MED23: variants seen among roughly 807,000 people sequenced by gnomAD.
The protein encoded by MED23 is mediator complex subunit 23, also known as mediator of RNA polymerase II transcription subunit 23.
In MED23, 105 loss-of-function variants were observed where a neutral mutation model predicts 163.9. The observed-to-expected ratio is 0.64, with a 90% CI of 0.55 to 0.75. MED23 has a LOEUF of 0.75. MED23 is among the 30% of genes least tolerant of loss of function. The probability of loss-of-function intolerance (pLI) is 0.00; values close to 1 mark genes in which losing one functional copy is unlikely to be tolerated. For missense variants in MED23, 1,054 were observed against 1,649.0 expected (o/e 0.64, Z 6.25); for synonymous variants, 561 against 565.6 (o/e 0.99, Z 0.12).
At chr6:131,582,233 TAAG>T (rs1327707110), downstream of MED23, among the ~76,000 whole-genome samples, 1 of 152,138 alleles carries the variant, frequency 6.6e-6, no homozygotes, top group African/African-American at 2.4e-5. Context: ...ATTATCACAT[TAAG>T]AATAACCAAA....
Position 131,579,198 on chromosome 6 carries a change from T to G in MED23, c.4096-4903A>C, listed in dbSNP as rs867223787. 2 of 1,613,998 alleles carry G rather than the reference T, an allele frequency of 1.2e-6. No individual in the cohort carries two copies. Among genetic ancestry groups the G allele is most frequent in the Non-Finnish European group, 1.7e-6 (2 of 1,179,992 alleles). On this transcript the variant is annotated intron_variant, in intron 30 of 30. Coordinates refer to the MED23 transcript ENST00000354577. ...CAAATTGTGAAGAATCCAAGGTCTG[T>G]GGGAAAAGCAAGCGAGCAGCTGGCT...
Position 131,591,420 on chromosome 6 carries a change from G to A in MED23, c.3579C>T (p.Phe1193=). Residue 1193 remains phenylalanine, a synonymous_variant, in exon 26 of 29, where the codon TTC becomes TTT. Transcript: ENST00000368068. ...WVGYPFRLFD[F]TACHQSYSEM... ...CAGAGTAGGACTGATGACAGGCAGT[G>A]AAATCAAAGAGGCGGAATGGATAGC... The A allele has an allele frequency of 6.2e-7, 1 of 1,613,822 alleles. No individual in the cohort carries two copies. The highest frequency in any genetic ancestry group is 1.1e-5 in the South Asian group (1 of 91,080).
chr6:131,586,486 T>TA (rs925446853), downstream of MED23, among the ~76,000 whole-genome samples: 6 of 152,128 alleles, frequency 3.9e-5, no homozygotes, highest in Admixed American at 3.9e-4. Context: ...TGGCCAGTAA[T>TA]GATTTAGTGA....
rs1384093131 is a variant in MED23 at position 131,587,701 on chromosome 6, A to G, written c.4085T>C (p.Val1362Ala). The change falls in exon 29 of 29, where the codon GTG becomes GCG. Residue 1362 changes from valine to alanine, a missense_variant. Transcript: ENST00000368068. Reference sequence around the variant, plus strand: ...GCTTCACTGAGTTACTGGTAAAGACACGGGCACCTGATTAGACTGAGGTGC... The same window carrying G: ...GCTTCACTGAGTTACTGGTAAAGACGCGGGCACCTGATTAGACTGAGGTGC... Reference protein sequence around the residue: ...SPAPQSNQVPVSLPVTQ With the variant: ...SPAPQSNQVPASLPVTQ 6.2e-7 allele frequency: 1 copy of G among 1,614,022 alleles called. No individual in the cohort carries two copies. The highest frequency in any genetic ancestry group is 8.5e-7 in the Non-Finnish European group (1 of 1,180,002).
intron 27 of MED23, 134 bp from the exon 28 acceptor site, chr6:131,589,730 C>T (rs1562368216): frequency 2.6e-6 from 2 of 772,428 alleles, no homozygotes; most frequent in Non-Finnish European, 4.5e-6. Context: ...ATACCATATA[C>T]ACCTCTATGC....
At chr6:131,580,699 G>A (rs1339856902) in intron 30 of MED23, among the ~76,000 whole-genome samples, 1 of 152,150 alleles carries the variant, frequency 6.6e-6, no homozygotes, top group African/African-American at 2.4e-5. Flanking sequence ...GCCATACGCT[G>A]GCTGAAGAAC....
chr6:131,590,440 A>C lies in MED23; in HGVS notation c.3689T>G (p.Phe1230Cys). ...TATAGGAAGAAGTACTTCAGTAAGA[A>C]ACCTAAAATTTGAAGATAAAAATCT... ...SIGQLSLIPK[F>C]LTEVLLPIVK... Residue 1230 changes from phenylalanine to cysteine, a missense_variant and splice_region_variant, in exon 27 of 29, where the codon TTT becomes TGT. Phe to Cys is a radical substitution (Grantham distance 205). Around this residue, in one of 11 missense-constraint regions of MED23, gnomAD observed 362 missense variants for 471.6 expected, o/e 0.77. Transcript: ENST00000368068. 6.2e-7 allele frequency: 1 copy of C among 1,602,668 alleles called. No homozygotes were observed. Among genetic ancestry groups the C allele is most frequent in the African/African-American group, 1.3e-5 (1 of 74,764 alleles).
chr6:131,620,540 A>T (rs1365457461), intron 7 of MED23, 88 bp downstream of exon 7: 2 of 849,912 alleles, frequency 2.4e-6, no homozygotes, highest in Non-Finnish European at 4.0e-6. Context: ...TCCTCAAATC[A>T]TCTTCCCACC....
intron 27 of MED23, 114 bp from the exon 28 acceptor site, chr6:131,589,710 G>C: frequency 3.1e-6 from 3 of 952,460 alleles, no homozygotes; most frequent in Non-Finnish European, 5.0e-6. Context: ...CTTTGCTGTA[G>C]AACTGTCATA....
Position 131,623,383 on chromosome 6 carries a change from C to G in MED23, c.364G>C (p.Val122Leu). ...TQLWALTFKL[V>L]RKIIGGVDYK... ...TCCACTCCCCCAATTATTTTCCGAACCAGTTTAAATGTTAAGGCCCAAAGC... is the reference window on the plus strand; with the variant it reads ...TCCACTCCCCCAATTATTTTCCGAAGCAGTTTAAATGTTAAGGCCCAAAGC... The change falls in exon 5 of 29, where the codon GTT (valine) becomes CTT (leucine). Residue 122 changes from valine to leucine, a missense_variant. Coordinates refer to ENST00000368068, the MANE Select transcript of MED23 (RefSeq NM_004830.4). 8 of 1,614,034 alleles carry G rather than the reference C, an allele frequency of 5.0e-6. No homozygotes were observed. The highest frequency in any genetic ancestry group is 6.8e-6 in the Non-Finnish European group (8 of 1,179,978).
chr6:131,578,599 T>C (rs1294532388), intron 30 of MED23, among the ~76,000 whole-genome samples: 2 of 152,180 alleles, frequency 1.3e-5, no homozygotes, highest in African/African-American at 2.4e-5. Flanking sequence ...AATACCACTA[T>C]GAGGCAGGTT....
At chr6:131,576,809 C>G in intron 30 of MED23, 2 of 1,307,384 alleles carry the variant, frequency 1.5e-6, no homozygotes, top group Non-Finnish European at 2.2e-6. Flanking sequence ...CCCTGTGAAC[C>G]TGGAGTGTGT....
At chr6:131,576,815 T>G in intron 30 of MED23, 1 of 1,262,078 alleles carries the variant, frequency 7.9e-7, no homozygotes, top group East Asian at 2.4e-5. Flanking sequence ...GAACCTGGAG[T>G]GTGTCTGGAA....
chr6:131,584,237 AT>A (rs1416815139), downstream of MED23: 1 of 284,966 alleles, frequency 3.5e-6, no homozygotes, highest in Non-Finnish European at 6.7e-6. Flanking sequence ...GACTCTTGGA[AT>A]CAGGAGACAA....
Position 131,601,435 on chromosome 6 carries a change from A to G in MED23, c.2095+783T>C, listed in dbSNP as rs150945382. The stretch of plus-strand genomic sequence containing the variant: ...ACATGCATGGATTTAAAAATCCACT[A>G]AATGTATAAAACAGATGTACAGATT... On this transcript the variant is annotated intron_variant, in intron 17 of 28. Transcript: ENST00000368068. Among the ~76,000 whole-genome samples the G allele has an allele frequency of 4.3e-4, 65 of 152,370 alleles. 2 individuals are homozygous for G. The highest frequency in any genetic ancestry group is 1.5e-3 in the African/African-American group (64 of 41,598).
At chr6:131,621,350 TAC>T (rs1010315323) in intron 6 of MED23, among the ~76,000 whole-genome samples, 14 of 151,902 alleles carry the variant, frequency 9.2e-5, no homozygotes, top group African/African-American at 1.4e-4. Flanking sequence ...ATAATATATA[TAC>T]ACACACACAG....
chr6:131,590,369 G>T lies in MED23; in HGVS notation c.3760C>A (p.Pro1254Thr), dbSNP rs374394283. Residue 1254 changes from proline to threonine, a missense_variant, in exon 27 of 29, where the codon CCA becomes ACA. Physicochemically the swap from Pro to Thr is conservative, Grantham distance 38. Around this residue, in one of 11 missense-constraint regions of MED23, gnomAD observed 362 missense variants for 471.6 expected, o/e 0.77. Transcript: ENST00000368068. ...TCTTGCTGAAATCTTTGTAAAAATG[G>T]TCCAACAAGATGGTATACATAAAGC... The part of the protein sequence containing the change: ...QLLYVYHLVG[P>T]FLQRFQQERT... 1 of 1,611,352 alleles carries T rather than the reference G, an allele frequency of 6.2e-7. No homozygotes were observed. Among genetic ancestry groups the T allele is most frequent in the Non-Finnish European group, 8.5e-7 (1 of 1,177,878 alleles).
At position 131,596,161 on chromosome 6, in the gene MED23, T is replaced by G. The variant is rs371527053; in HGVS notation, c.2781A>C (p.Lys927Asn). Residue 927 changes from lysine (K) to asparagine (N), a missense_variant and splice_region_variant, in exon 22 of 29, where the codon AAA becomes AAC. Physicochemically the swap from Lys to Asn is moderately conservative, Grantham distance 94. Coordinates refer to ENST00000368068, the MANE Select transcript of MED23 (RefSeq NM_004830.4). The stretch of plus-strand genomic sequence containing the variant: ...CCTCAAAATACAACTTCTCTGGATA[T>G]TTCTGTGGAATTGAGAAGATGATAA... Reference protein sequence around the residue: ...WHTKHMNYHKKYPEKLYFEGL... With the variant: ...WHTKHMNYHKNYPEKLYFEGL... The G allele has an allele frequency of 1.2e-6, 2 of 1,613,670 alleles. No homozygotes were observed. The highest frequency in any genetic ancestry group is 1.7e-6 in the Non-Finnish European group (2 of 1,179,568).
At chr6:131,620,237 T>TA (rs1056344948) in intron 7 of MED23, among the ~76,000 whole-genome samples, 1 of 152,116 alleles carries the variant, frequency 6.6e-6, no homozygotes, top group African/African-American at 2.4e-5. Context: ...AAGTCATCAT[T>TA]AAAAAAATAA....
Sources: allele counts gnomAD v4.1 joint callset (sites outside exome capture counted in the v4.1 genomes callset), GRCh38; gene constraint gnomAD v4.1.1; regional missense constraint gnomAD v4.1.1; transcripts MANE v1.5; gene names NCBI Gene and HGNC (gene_info 2026-07-23, HGNC 2026-07-21).